The following NCAM2 variants were observed in gnomAD, a reference collection of about 807,000 sequenced individuals.
The protein encoded by NCAM2 is N-CAM-2.
Under a neutral mutation model 98.1 loss-of-function variants are expected in NCAM2, and 30 were observed. The observed-to-expected ratio is 0.31, with a 90% CI of 0.23 to 0.41. NCAM2 has a LOEUF of 0.41. NCAM2 is among the 10% of genes least tolerant of loss of function. The pLI is 1.00. For missense variants in NCAM2, 867 were observed against 1,005.8 expected (o/e 0.86, Z 1.87); for synonymous variants, 368 against 342.4 (o/e 1.07, Z -0.83).
At chr21:21,401,451 C>A (rs1203215245) in intron 9 of NCAM2, among the ~76,000 whole-genome samples, 1 of 152,174 alleles carries the variant, frequency 6.6e-6, no homozygotes, top group Non-Finnish European at 1.5e-5. Context: ...CCTTGGCCAA[C>A]ATCTTTCTAT....
rs550752829 is a variant in NCAM2 at position 21,385,165 on chromosome 21, G to A, written c.1195+11152G>A. Among the ~76,000 whole-genome samples, 260 of 152,030 alleles carry A rather than the reference G, an allele frequency of 1.7e-3. 2 individuals are homozygous for A. Among genetic ancestry groups the A allele is most frequent in the African/African-American group, 5.9e-3 (246 of 41,496 alleles). ...CTAATAAGTATATTTTTTGGCAGTT[G>A]AAGCCTGGTTTGTTATTAGATATTT... On this transcript the variant is annotated intron_variant, in intron 9 of 17. Transcript: ENST00000400546.
intron 1 of NCAM2, among the ~76,000 whole-genome samples, chr21:21,258,982 C>T (rs549990287): frequency 6.6e-6 from 1 of 152,208 alleles, no homozygotes; most frequent in East Asian, 1.9e-4. Context: ...TACTGACGGC[C>T]ACGAACAGAT....
intron 1 of NCAM2, among the ~76,000 whole-genome samples, chr21:21,211,901 T>TA (rs2147084827): frequency 6.6e-6 from 1 of 152,344 alleles, no homozygotes; most frequent in Admixed American, 6.5e-5. Context: ...CCCAGTTCTT[T>TA]ACCTCAACTA....
At chr21:21,258,276 G>A (rs1033834177) in intron 1 of NCAM2, among the ~76,000 whole-genome samples, 2 of 152,140 alleles carry the variant, frequency 1.3e-5, no homozygotes, top group African/African-American at 4.8e-5. Context: ...AAAATATTGA[G>A]GGGATTTTCA....
chr21:21,490,759 C>G (rs1020852410), intron 15 of NCAM2, among the ~76,000 whole-genome samples: 1 of 151,546 alleles, frequency 6.6e-6, no homozygotes, highest in Non-Finnish European at 1.5e-5. Context: ...TAAAGTACTT[C>G]TGATCATTTA....
At chr21:21,404,163 A>C (rs187960574) in intron 9 of NCAM2, among the ~76,000 whole-genome samples, 1 of 152,178 alleles carries the variant, frequency 6.6e-6, no homozygotes, top group African/African-American at 2.4e-5. Context: ...AACAAATAAA[A>C]TAGATAACTC....
chr21:21,379,318 A>G (rs925931408), intron 9 of NCAM2, among the ~76,000 whole-genome samples: 2 of 152,002 alleles, frequency 1.3e-5, no homozygotes, highest in African/African-American at 4.8e-5. Context: ...TGAATTCACC[A>G]TGCACTTAGT....
At chr21:21,314,469 G>T (rs1203085017) in intron 5 of NCAM2, among the ~76,000 whole-genome samples, 3 of 151,982 alleles carry the variant, frequency 2.0e-5, no homozygotes, top group Non-Finnish European at 2.9e-5. Flanking sequence ...AACTGTTTTG[G>T]GTTTTTCTTG....
At chr21:21,262,658 C>CAAAAAAAA (rs33912324) in intron 1 of NCAM2, among the ~76,000 whole-genome samples, 15 of 78,906 alleles carry the variant, frequency 1.9e-4, no homozygotes, top group East Asian at 4.9e-4. Context: ...AACAATCAGT[C>CAAAAAAAA]AAAAAAAAAA....
intron 1 of NCAM2, among the ~76,000 whole-genome samples, chr21:21,045,927 T>G (rs1368425662): frequency 2.0e-5 from 3 of 152,216 alleles, no homozygotes; most frequent in Non-Finnish European, 4.4e-5. Context: ...ATCAGATATG[T>G]ATCTTTACAA....
intron 1 of NCAM2, among the ~76,000 whole-genome samples, chr21:21,030,821 T>G (rs1227739163): frequency 6.6e-6 from 1 of 152,198 alleles, no homozygotes; most frequent in African/African-American, 2.4e-5. Context: ...AGCAACTGAC[T>G]TTGTTTAAAA....
At chr21:21,471,036 G>A (rs1435212355) in intron 14 of NCAM2, among the ~76,000 whole-genome samples, 3 of 151,908 alleles carry the variant, frequency 2.0e-5, no homozygotes. Flanking sequence ...GAATTTGAGT[G>A]ACTTGGTGGG....
rs116019618 is a variant in NCAM2, at chr21:21,106,263, G to C, written c.55+107645G>C. ...TTCCAGGCTGCAGCGAGCTGTGTTT[G>C]CACCTCTGCACTCCAGCCTGTGCAA... On this transcript the variant is annotated intron_variant, in intron 1 of 17. Coordinates refer to ENST00000400546, the MANE Select transcript of NCAM2 (RefSeq NM_004540.5). 4.3e-3 allele frequency among the ~76,000 whole-genome samples: 591 copies of C among 137,624 alleles called. 6 individuals carry two copies. Among genetic ancestry groups the C allele is most frequent in the African/African-American group, 0.016 (556 of 34,740 alleles). The allele number at this position is 137,624 out of a possible 152,430, so 90.3% of individuals were successfully genotyped here.
intron 12 of NCAM2, among the ~76,000 whole-genome samples, chr21:21,459,067 CAT>C (rs1439544320): frequency 6.6e-6 from 1 of 152,032 alleles, no homozygotes; most frequent in Non-Finnish European, 1.5e-5. Context: ...CAAAAGGAGA[CAT>C]ACACATGGCC....
intron 6 of NCAM2, 63 bp from the exon 7 acceptor site, chr21:21,335,442 G>A: frequency 7.1e-7 from 1 of 1,401,592 alleles, no homozygotes; most frequent in South Asian, 1.6e-5. Flanking sequence ...TTAAAAAGTT[G>A]ATTAAAATCT....
chr21:21,332,826 T>C (rs567321801), intron 6 of NCAM2, among the ~76,000 whole-genome samples: 293 of 152,338 alleles, frequency 1.9e-3, no homozygotes, highest in Non-Finnish European at 3.2e-3. Flanking sequence ...CATATGCCAC[T>C]GTCATATGCA....
chr21:21,444,912 T>C (rs111341238), intron 12 of NCAM2, among the ~76,000 whole-genome samples: 23 of 152,286 alleles, frequency 1.5e-4, no homozygotes, highest in African/African-American at 5.3e-4. Flanking sequence ...CTAGCTCTTT[T>C]AAGTGTGATG....
chr21:21,170,568 G>C (rs974937988), intron 1 of NCAM2, among the ~76,000 whole-genome samples: 4 of 152,150 alleles, frequency 2.6e-5, no homozygotes, highest in African/African-American at 9.7e-5. Flanking sequence ...GTTTGCAAGG[G>C]AAAGGATGAA....
intron 1 of NCAM2, among the ~76,000 whole-genome samples, chr21:21,160,112 A>G (rs768649394): frequency 6.6e-6 from 1 of 152,016 alleles, no homozygotes; most frequent in Non-Finnish European, 1.5e-5. Flanking sequence ...TCTTTTAAAT[A>G]TATGTACCGT....
Sources: gnomAD v4.1 joint callset for allele counts (sites outside exome capture counted in the v4.1 genomes callset) on GRCh38, gnomAD v4.1.1 for gene constraint, MANE v1.5 for transcripts, NCBI Gene and HGNC (gene_info 2026-07-23, HGNC 2026-07-21) for gene names.